Variants in HIF1A observed in about 807,000 individuals in gnomAD.
HIF1A encodes hypoxia-inducible factor 1-alpha.
HIF1A carries 24 observed loss-of-function variants against 92.7 expected under a neutral mutation model. The observed-to-expected ratio is 0.26, with a 90% CI of 0.19 to 0.36. HIF1A has a LOEUF of 0.36. Ranked by LOEUF, HIF1A falls within the 10% of genes least tolerant of loss-of-function variation. HIF1A has a pLI of 1.00. For synonymous variants in HIF1A, 319 were observed against 338.7 expected, an observed-to-expected ratio of 0.94 and a Z score of 0.64; for missense variants, 799 against 998.5, an observed-to-expected ratio of 0.80 and a Z score of 2.69.
Position 61,736,935 on chromosome 14 carries a change from T to A in HIF1A, c.1075T>A (p.Cys359Ser). The change falls in exon 9 of 15, where the codon TGT becomes AGT. Residue 359 changes from cysteine to serine, a missense_variant. By Grantham distance (112) the Cys-to-Ser change is moderately radical. Transcript: ENST00000337138. ...DLIFSLQQTE[C>S]VLKPVESSDM... ...GATTTTCTCCCTTCAACAAACAGAA[T>A]GTGTCCTTAAACCGGTTGAATCTTC... The A allele has an allele frequency of 6.2e-7, 1 of 1,614,104 alleles. No homozygotes were observed. Among genetic ancestry groups the A allele is most frequent in the African/African-American group, 1.3e-5 (1 of 75,072 alleles).
rs913369130 is a variant in HIF1A, at chr14:61,710,995, G to A, written c.36-9387G>A. Among the ~76,000 whole-genome samples the A allele has an allele frequency of 6.7e-5, 10 of 150,104 alleles. No individual in the cohort carries two copies. The East Asian group carries it at 1.2e-3, about 18-fold the overall frequency. ...CTGGGAGGCGGAGGTTGCAGTGAGC[G>A]GAGATCGCACCACTGTACTTCAGCC... On this transcript the variant is annotated intron_variant, in intron 1 of 14. Coordinates refer to ENST00000337138, the MANE Select transcript of HIF1A (RefSeq NM_001530.4).
intron 6 of HIF1A, among the ~76,000 whole-genome samples, chr14:61,731,384 A>G (rs1225663484): frequency 6.6e-6 from 1 of 152,192 alleles, no homozygotes; most frequent in Non-Finnish European, 1.5e-5. Context: ...AGAGAATAAG[A>G]TCTAGTCTCT....
Position 61,746,921 on chromosome 14 carries a change from TTTTG to T in HIF1A, c.2330-9_2330-6del. ...AGATGAATGTATACTTAGGTATCTC[TTTTG>T]TTTTTCAGATTTAGCATGTAGACTG... On this transcript the variant is annotated splice_polypyrimidine_tract_variant and intron_variant, in intron 14 of 14. Transcript: ENST00000337138. 6.3e-7 allele frequency: 1 copy of T among 1,588,230 alleles called. No homozygotes were observed. The highest frequency in any genetic ancestry group is 8.6e-7 in the Non-Finnish European group (1 of 1,165,708).
chr14:61,716,485 T>C (rs574066481), intron 1 of HIF1A, among the ~76,000 whole-genome samples: 86 of 152,364 alleles, frequency 5.6e-4, no homozygotes, highest in African/African-American at 2.0e-3. Context: ...TAAATAGTTA[T>C]GGTTTAACTT....
chr14:61,730,722 C>T (rs2044566496), intron 6 of HIF1A, among the ~76,000 whole-genome samples: 1 of 152,160 alleles, frequency 6.6e-6, no homozygotes, highest in African/African-American at 2.4e-5. Context: ...TAGTACAGTA[C>T]ATCTACTGGA....
At chr14:61,719,412 A>G (rs1328190204) in intron 1 of HIF1A, among the ~76,000 whole-genome samples, 2 of 152,250 alleles carry the variant, frequency 1.3e-5, no homozygotes, top group East Asian at 3.8e-4. Flanking sequence ...GGCTACTTTT[A>G]ACCTATTGAA....
At chr14:61,721,469 T>G (rs2044426202) in intron 2 of HIF1A, 40 bp from the exon 3 acceptor site, 2 of 1,556,506 alleles carry the variant, frequency 1.3e-6, no homozygotes, top group Non-Finnish European at 1.8e-6. Flanking sequence ...TAAGTACAAC[T>G]TTTTAACTAA....
At chr14:61,742,184 A>AT (rs2044719676) in intron 12 of HIF1A, among the ~76,000 whole-genome samples, 2 of 152,218 alleles carry the variant, frequency 1.3e-5, no homozygotes, top group African/African-American at 4.8e-5. Flanking sequence ...TTCTGTATAT[A>AT]ATTTGTAAGG....
intron 4 of HIF1A, among the ~76,000 whole-genome samples, chr14:61,723,471 T>C (rs1448731223): frequency 1.3e-5 from 2 of 152,230 alleles, no homozygotes; most frequent in Non-Finnish European, 2.9e-5. Flanking sequence ...TTTCATATTC[T>C]TGAATTCTCA....
At chr14:61,709,707 CTG>C (rs2044284860) in intron 1 of HIF1A, among the ~76,000 whole-genome samples, 1 of 151,988 alleles carries the variant, frequency 6.6e-6, no homozygotes, top group Admixed American at 6.6e-5. Context: ...ACCATTTCAT[CTG>C]TTTTTTTGAA....
In HIF1A at chr14:61,695,858, CCCG is replaced by C; in HGVS notation, c.35+25_35+27del. The stretch of plus-strand genomic sequence containing the variant: ...AGAAAAAGTAAGCCCATTCCCTCGG[CCCG>C]CCGCCTTCTCCCCCGGCGACCCCGC... On this transcript the variant is annotated intron_variant, in intron 1 of 14. Transcript: ENST00000337138. The C allele has an allele frequency of 6.4e-7, 1 of 1,563,180 alleles. No homozygotes were observed. Among genetic ancestry groups the C allele is most frequent in the South Asian group, 1.2e-5 (1 of 84,902 alleles).
intron 1 of HIF1A, among the ~76,000 whole-genome samples, chr14:61,705,382 T>G (rs924351936): frequency 1.3e-5 from 2 of 152,074 alleles, no homozygotes; most frequent in Non-Finnish European, 2.9e-5. Flanking sequence ...GTTTTAAAAA[T>G]TCTCATAGAG....
intron 4 of HIF1A, among the ~76,000 whole-genome samples, chr14:61,722,379 C>T (rs1025910721): frequency 2.7e-4 from 41 of 152,102 alleles, no homozygotes; most frequent in African/African-American, 7.2e-4. Context: ...TGAGCCACCA[C>T]GCCCAGGCTA....
At chr14:61,721,861 G>T in intron 4 of HIF1A, 38 bp downstream of exon 4, 1 of 1,426,538 alleles carries the variant, frequency 7.0e-7, no homozygotes, top group South Asian at 1.2e-5. Flanking sequence ...TGTGACAGGT[G>T]GTTTTACATA....
At chr14:61,711,471 A>G (rs190886552) in intron 1 of HIF1A, among the ~76,000 whole-genome samples, 1 of 151,920 alleles carries the variant, frequency 6.6e-6, no homozygotes, top group East Asian at 1.9e-4. Context: ...GATGAAAGCG[A>G]TAAGGGAACT....
intron 1 of HIF1A, chr14:61,715,509 TAA>T (rs1243487810): frequency 6.6e-6 from 1 of 152,228 alleles, no homozygotes; most frequent in East Asian, 1.9e-4. Flanking sequence ...AGTCTAGTGT[TAA>T]TCGCGTGGAC....
At chr14:61,722,271 A>G (rs1053053779) in intron 4 of HIF1A, among the ~76,000 whole-genome samples, 2 of 152,166 alleles carry the variant, frequency 1.3e-5, no homozygotes, top group African/African-American at 4.8e-5. Flanking sequence ...AATTATTTGT[A>G]GAGACAAAGT....
chr14:61,719,446 T>C (rs558224338), intron 1 of HIF1A, among the ~76,000 whole-genome samples: 3 of 152,196 alleles, frequency 2.0e-5, no homozygotes, highest in Non-Finnish European at 2.9e-5. Context: ...ATTTGTAAAA[T>C]AGGGACAATA....
intron 6 of HIF1A, among the ~76,000 whole-genome samples, chr14:61,728,152 A>G (rs369404413): frequency 6.6e-6 from 1 of 152,222 alleles, no homozygotes; most frequent in Non-Finnish European, 1.5e-5. Context: ...ACTCTGTACT[A>G]TGAACACTTA....
Sources: allele counts gnomAD v4.1 joint callset (sites outside exome capture counted in the v4.1 genomes callset), GRCh38; gene constraint gnomAD v4.1.1; transcripts MANE v1.5; gene names NCBI Gene and HGNC (gene_info 2026-07-23, HGNC 2026-07-21).